OLFML2B: variants seen among roughly 807,000 people sequenced by gnomAD.
OLFML2B encodes the protein olfactomedin like 2B.
A neutral mutation model predicts 74.9 loss-of-function variants in OLFML2B; 57 were observed. The observed-to-expected ratio is 0.76, with a 90% confidence interval of 0.61 to 0.95. The LOEUF is 0.95. Ranked by LOEUF, OLFML2B falls within the 40% of genes least tolerant of loss-of-function variation. The pLI is 0.00. For synonymous variants in OLFML2B, 388 were observed against 405.8 expected (o/e 0.96, Z 0.53); for missense variants, 986 against 970.6 (o/e 1.02, Z -0.21).
chr1:162,005,904 A>T (rs987509671), intron 4 of OLFML2B, among the ~76,000 whole-genome samples: 7,483 of 102,174 alleles, frequency 0.073, 274 homozygotes, highest in South Asian at 0.084. Context: ...GAACCTATCA[A>T]AAAAAAAAAA....
intron 6 of OLFML2B, among the ~76,000 whole-genome samples, chr1:161,989,772 C>T (rs1287624309): frequency 6.6e-6 from 1 of 152,222 alleles, no homozygotes; most frequent in Admixed American, 6.5e-5. Context: ...CCCCCACTTG[C>T]ATATAGGGTT....
chr1:161,984,695 GGTGTCATCCTTCC>G (rs1689536335), intron 7 of OLFML2B, 96 bp downstream of exon 7: 1 of 1,127,830 alleles, frequency 8.9e-7, no homozygotes, highest in East Asian at 2.4e-5. Context: ...ATCAGAAGAA[GGTGTCATCCTTCC>G]TATCCGTCAT....
At position 162,000,304 on chromosome 1, in the gene OLFML2B, G is replaced by C; in HGVS notation, c.758C>G (p.Ser253Cys). The part of the protein sequence containing the change: ...EERFLQEETV[S>C]QQINSIELLQ... Reference sequence around the variant, plus strand: ...AAGTTCGATGGAGTTGATCTGCTGGGACACGGTTTCTTCCTGCAGAAACCG... The same window carrying C: ...AAGTTCGATGGAGTTGATCTGCTGGCACACGGTTTCTTCCTGCAGAAACCG... The change falls in exon 5 of 8, where the codon TCC (serine) becomes TGC (cysteine). Residue 253 changes from serine (S) to cysteine (C), a missense_variant. Physicochemically the swap from Ser to Cys is moderately radical, Grantham distance 112. Coordinates refer to ENST00000294794, the MANE Select transcript of OLFML2B (RefSeq NM_015441.3). The C allele has an allele frequency of 6.2e-7, 1 of 1,613,024 alleles. No homozygotes were observed. The highest frequency in any genetic ancestry group is 8.5e-7 in the Non-Finnish European group (1 of 1,180,016).
intron 6 of OLFML2B, among the ~76,000 whole-genome samples, chr1:161,987,303 G>A (rs1269695283): frequency 6.6e-6 from 1 of 152,116 alleles, no homozygotes; most frequent in African/African-American, 2.4e-5. Context: ...CTGTGATTGG[G>A]ACAAAAGGAA....
intron 3 of OLFML2B, among the ~76,000 whole-genome samples, chr1:162,013,891 A>AACACACACAC (rs59665350): frequency 1.4e-5 from 2 of 143,140 alleles, no homozygotes; most frequent in African/African-American, 5.2e-5. Context: ...AAAAAAGCCC[A>AACACACACAC]ACACACACAC....
intron 6 of OLFML2B, among the ~76,000 whole-genome samples, chr1:161,992,465 A>C (rs1689768629): frequency 6.6e-6 from 1 of 152,220 alleles, no homozygotes; most frequent in African/African-American, 2.4e-5. Context: ...TTTCCTTTGC[A>C]TTCACAACTT....
chr1:161,984,769 G>T, intron 7 of OLFML2B, 35 bp downstream of exon 7: 1 of 1,601,388 alleles, frequency 6.2e-7, no homozygotes, highest in South Asian at 1.1e-5. Flanking sequence ...GTGGGGAAGG[G>T]AAGGAGCAGT....
chr1:162,004,026 G>C (rs565371377), intron 4 of OLFML2B, among the ~76,000 whole-genome samples: 1 of 152,276 alleles, frequency 6.6e-6, no homozygotes, highest in East Asian at 1.9e-4. Flanking sequence ...TTTTTTATTT[G>C]GTTTGCTGTT....
At chr1:162,021,153 C>T (rs1208427852) in intron 1 of OLFML2B, among the ~76,000 whole-genome samples, 2 of 152,068 alleles carry the variant, frequency 1.3e-5, no homozygotes, top group Non-Finnish European at 1.5e-5. Context: ...TTAATCTGGG[C>T]CTTGAAGGAT....
chr1:161,988,439 T>A (rs1230219868), intron 6 of OLFML2B, among the ~76,000 whole-genome samples: 1 of 152,138 alleles, frequency 6.6e-6, no homozygotes, highest in African/African-American at 2.4e-5. Context: ...TCGTCAGCAA[T>A]GCCTCTCAGC....
intron 6 of OLFML2B, among the ~76,000 whole-genome samples, chr1:161,985,616 G>A (rs1689572909): frequency 6.6e-6 from 1 of 152,194 alleles, no homozygotes; most frequent in Non-Finnish European, 1.5e-5. Context: ...TCTGCCAGCT[G>A]CTGAGCTGCC....
At chr1:162,023,004 A>G (rs1390190914) in intron 1 of OLFML2B, among the ~76,000 whole-genome samples, 1 of 152,148 alleles carries the variant, frequency 6.6e-6, no homozygotes, top group Admixed American at 6.5e-5. Flanking sequence ...TCTTCTCAAG[A>G]AGTCGAGCGG....
At chr1:162,003,786 G>A (rs1452933002) in intron 4 of OLFML2B, among the ~76,000 whole-genome samples, 2 of 152,110 alleles carry the variant, frequency 1.3e-5, no homozygotes, top group Non-Finnish European at 2.9e-5. Flanking sequence ...ATTATCTACA[G>A]GAACCCTGAA....
intron 4 of OLFML2B, 144 bp from the exon 5 acceptor site, chr1:162,000,482 T>C (rs539521919): frequency 3.3e-6 from 2 of 603,242 alleles, no homozygotes; most frequent in Admixed American, 2.9e-5. Context: ...GCTTTATACA[T>C]TTACATATGT....
At chr1:162,022,404 C>T (rs184546264) in intron 1 of OLFML2B, among the ~76,000 whole-genome samples, 1 of 152,122 alleles carries the variant, frequency 6.6e-6, no homozygotes, top group African/African-American at 2.4e-5. Context: ...GTGCCTGCCA[C>T]CACGCCTGGC....
intron 7 of OLFML2B, 108 bp from the exon 8 acceptor site, chr1:161,984,384 G>A: frequency 7.0e-7 from 1 of 1,435,536 alleles, no homozygotes; most frequent in Non-Finnish European, 9.2e-7. Flanking sequence ...ACCCAGGTTT[G>A]TGTCTTGGCT....
At chr1:162,005,902 C>CAAAAAAAAAAAAAA (rs71093139) in intron 4 of OLFML2B, among the ~76,000 whole-genome samples, 1 of 77,878 alleles carries the variant, frequency 1.3e-5, no homozygotes, top group African/African-American at 3.4e-5. Context: ...TGGAACCTAT[C>CAAAAAAAAAAAAAA]AAAAAAAAAA....
chr1:161,997,332 T>C (rs945634114), intron 6 of OLFML2B, among the ~76,000 whole-genome samples: 2 of 152,174 alleles, frequency 1.3e-5, no homozygotes, highest in African/African-American at 4.8e-5. Context: ...GCCATGATGT[T>C]TCTATGCTCT....
chr1:161,997,919 G>A lies in OLFML2B; in HGVS notation c.1380C>T (p.Asp460=). 4 of 1,614,240 alleles carry A rather than the reference G, an allele frequency of 2.5e-6. No individual in the cohort carries two copies. Among genetic ancestry groups the A allele is most frequent in the Non-Finnish European group, 3.4e-6 (4 of 1,180,048 alleles). ...CAGCAGGAGCATCTTTCCCCAGCGA[G>A]TCTGTTCTGACTGTGGTGGGAGGCA... The part of the protein sequence containing the change: ...VPVPPTTVRT[D]SLGKDAPAGW... The change falls in exon 6 of 8, where the codon GAC becomes GAT. Residue 460 remains aspartate (D), a synonymous_variant. Coordinates refer to ENST00000294794, the MANE Select transcript of OLFML2B (RefSeq NM_015441.3).
Sources: allele counts gnomAD v4.1 joint callset (sites outside exome capture counted in the v4.1 genomes callset), GRCh38; gene constraint gnomAD v4.1.1; transcripts MANE v1.5; gene names NCBI Gene and HGNC (gene_info 2026-07-23, HGNC 2026-07-21).